The following PEAK1 variants were observed in gnomAD, a reference collection of about 807,000 sequenced individuals.
The protein encoded by PEAK1 is pseudopodium enriched atypical kinase 1.
A neutral mutation model predicts 124.7 loss-of-function variants in PEAK1; 54 were observed. The observed-to-expected ratio is 0.43, with a 90% CI of 0.35 to 0.54. The LOEUF (loss-of-function observed/expected upper bound fraction) is 0.54, where lower values mean the gene tolerates loss of function less well. PEAK1 is among the 20% of genes least tolerant of loss of function. The pLI, the probability that PEAK1 is intolerant of heterozygous loss-of-function variation, is 0.01. For synonymous variants in PEAK1, 719 were observed against 760.0 expected, an observed-to-expected ratio of 0.95 and a Z score of 0.89; for missense variants, 2,046 against 2,134.5, an observed-to-expected ratio of 0.96 and a Z score of 0.82.
intron 2 of PEAK1, among the ~76,000 whole-genome samples, chr15:77,310,551 C>G (rs2064373734): frequency 6.6e-6 from 1 of 152,108 alleles, no homozygotes. Context: ...CCAAACAGGA[C>G]AGGAGTCTAA....
chr15:77,340,497 C>A (rs1328111917), intron 2 of PEAK1, among the ~76,000 whole-genome samples: 1 of 152,186 alleles, frequency 6.6e-6, no homozygotes, highest in Non-Finnish European at 1.5e-5. Flanking sequence ...GCACAGATGA[C>A]TTTTCCAGCA....
downstream of PEAK1, chr15:77,107,489 T>C (rs1388905965): frequency 1.3e-5 from 2 of 152,252 alleles, no homozygotes; most frequent in Non-Finnish European, 2.9e-5. Flanking sequence ...TTGGAGACAG[T>C]GTCCACTGTA....
At chr15:77,417,444 T>A (rs1003433616) in intron 1 of PEAK1, 2 of 241,930 alleles carry the variant, frequency 8.3e-6, no homozygotes, top group African/African-American at 1.5e-4. Flanking sequence ...GAGAGTGGGG[T>A]GGGGGGATGC....
At chr15:77,142,957 T>C (rs111899225) in intron 8 of PEAK1, among the ~76,000 whole-genome samples, 1,599 of 152,286 alleles carry the variant, frequency 0.011, 32 homozygotes, top group African/African-American at 0.037. Context: ...TTGCACACTT[T>C]AGTAGGGTGA....
At chr15:77,281,937 C>T (rs1448025497) in intron 5 of PEAK1, among the ~76,000 whole-genome samples, 1 of 152,116 alleles carries the variant, frequency 6.6e-6, no homozygotes, top group Non-Finnish European at 1.5e-5. Flanking sequence ...CTGAATCAAC[C>T]CATTTAATTC....
intron 6 of PEAK1, among the ~76,000 whole-genome samples, chr15:77,250,413 ATTTTTGTG>A (rs1040912536): frequency 8.7e-5 from 13 of 149,710 alleles, no homozygotes; most frequent in African/African-American, 3.2e-4. Context: ...CACCCGGCTA[ATTTTTGTG>A]TTTTTTTGTT....
chr15:77,416,783 C>T (rs1374431040), intron 1 of PEAK1, among the ~76,000 whole-genome samples: 2 of 152,004 alleles, frequency 1.3e-5, no homozygotes, highest in East Asian at 1.9e-4. Flanking sequence ...AAATTATGCA[C>T]CAGATTCTGA....
intron 2 of PEAK1, among the ~76,000 whole-genome samples, chr15:77,308,650 C>T (rs1352975678): frequency 6.6e-6 from 1 of 152,020 alleles, no homozygotes; most frequent in African/African-American, 2.4e-5. Flanking sequence ...ATATTTATGA[C>T]ACTGAGCACC....
chr15:77,105,716 T>TCC (rs1016439459), downstream of PEAK1: 2 of 152,326 alleles, frequency 1.3e-5, no homozygotes, highest in African/African-American at 4.8e-5. Flanking sequence ...GGTACACACT[T>TCC]ACAACCCCAG....
At chr15:77,344,361 T>C (rs907753631) in intron 2 of PEAK1, among the ~76,000 whole-genome samples, 1 of 152,224 alleles carries the variant, frequency 6.6e-6, no homozygotes, top group East Asian at 1.9e-4. Flanking sequence ...CCCAAAGTAC[T>C]GGGATTACAG....
intron 9 of PEAK1, among the ~76,000 whole-genome samples, chr15:77,128,056 G>C (rs78256956): frequency 6.6e-6 from 1 of 150,880 alleles, no homozygotes; most frequent in South Asian, 2.1e-4. Context: ...TCCAGCCTGG[G>C]TGACAGAGTG....
Position 77,179,694 on chromosome 15 carries a change from T to C in PEAK1, c.2233A>G (p.Ile745Val). The C allele has an allele frequency of 1.2e-6, 2 of 1,614,028 alleles. No homozygotes were observed. Among genetic ancestry groups the C allele is most frequent in the Non-Finnish European group, 1.7e-6 (2 of 1,179,978 alleles). ...QRATQEPVAK[I>V]EGTQESQMVG... is the part of the protein sequence containing the mutation. ...ATCTGAGACTCCTGAGTGCCTTCTA[T>C]TTTGGCCACAGGCTCTTGAGTGGCT... Residue 745 changes from isoleucine (I) to valine (V), a missense_variant, in exon 7 of 10, where the codon ATA becomes GTA. Coordinates refer to ENST00000682557, the MANE Select transcript of PEAK1 (RefSeq NM_001385026.1).
chr15:77,312,794 C>T (rs1303964291), intron 2 of PEAK1, among the ~76,000 whole-genome samples: 1 of 152,194 alleles, frequency 6.6e-6, no homozygotes, highest in African/African-American at 2.4e-5. Flanking sequence ...GGAAAGAAAG[C>T]TCTCCCCAGT....
At chr15:77,277,562 T>C (rs2062401338) in intron 5 of PEAK1, among the ~76,000 whole-genome samples, 1 of 152,230 alleles carries the variant, frequency 6.6e-6, no homozygotes, top group Non-Finnish European at 1.5e-5. Context: ...CTCTGTACTA[T>C]GTTTTCAAAT....
chr15:77,371,568 C>G (rs942140143), intron 1 of PEAK1, among the ~76,000 whole-genome samples: 3 of 151,582 alleles, frequency 2.0e-5, no homozygotes, highest in Non-Finnish European at 4.4e-5. Context: ...TTTCTAAATA[C>G]AGCTTGAGGA....
intron 9 of PEAK1, among the ~76,000 whole-genome samples, chr15:77,119,632 C>T (rs146600889): frequency 6.6e-6 from 1 of 152,326 alleles, no homozygotes; most frequent in African/African-American, 2.4e-5. Context: ...CTGAGACCTT[C>T]TCAGACTCGG....
intron 5 of PEAK1, among the ~76,000 whole-genome samples, chr15:77,272,701 G>T (rs2062101089): frequency 6.6e-6 from 1 of 151,932 alleles, no homozygotes; most frequent in Admixed American, 6.6e-5. Flanking sequence ...CTGGTTACCA[G>T]TCCTATTGAC....
intron 2 of PEAK1, among the ~76,000 whole-genome samples, chr15:77,340,173 A>G (rs1353249873): frequency 6.6e-6 from 1 of 152,236 alleles, no homozygotes; most frequent in Non-Finnish European, 1.5e-5. Context: ...CCTGCATGCA[A>G]ATGTTTATAG....
At chr15:77,402,925 A>G in intron 1 of PEAK1, 1 of 985,422 alleles carries the variant, frequency 1.0e-6, no homozygotes, top group Non-Finnish European at 1.2e-6. Context: ...AGCTGAGGCC[A>G]GAAAAAGCTT....
Sources: gnomAD v4.1 joint callset for allele counts (sites outside exome capture counted in the v4.1 genomes callset) on GRCh38, gnomAD v4.1.1 for gene constraint, MANE v1.5 for transcripts, NCBI Gene and HGNC (gene_info 2026-07-23, HGNC 2026-07-21) for gene names.